Variants in KATNAL1 observed in about 807,000 individuals in gnomAD.
KATNAL1 encodes the protein katanin catalytic subunit A1 like 1.
KATNAL1 carries 32 observed loss-of-function variants against 55.2 expected under a neutral mutation model. The observed-to-expected ratio is 0.58, with a 90% CI of 0.44 to 0.78. KATNAL1 has a LOEUF of 0.78. Ranked by LOEUF, KATNAL1 falls within the 30% of genes least tolerant of loss-of-function variation. The pLI is 0.00. For missense variants in KATNAL1, 466 were observed against 600.9 expected (o/e 0.78, Z 2.35); for synonymous variants, 193 against 193.6 (o/e 1.00, Z 0.02).
chr13:30,283,224 G>A (rs1380520096), intron 2 of KATNAL1, among the ~76,000 whole-genome samples: 6 of 116,756 alleles, frequency 5.1e-5, no homozygotes, highest in Admixed American at 2.5e-4. Flanking sequence ...CCGAGATTGC[G>A]CCACTGCACT....
chr13:30,222,272 T>C (rs1281015550), intron 9 of KATNAL1, among the ~76,000 whole-genome samples: 1 of 152,048 alleles, frequency 6.6e-6, no homozygotes, highest in Non-Finnish European at 1.5e-5. Flanking sequence ...GCAAATGGCC[T>C]TCAGATTTCA....
At chr13:30,269,953 C>G (rs1357491064) in intron 3 of KATNAL1, among the ~76,000 whole-genome samples, 2 of 150,068 alleles carry the variant, frequency 1.3e-5, no homozygotes, top group Admixed American at 6.6e-5. Flanking sequence ...AGGGGCACCT[C>G]TGCCCGGCCA....
In KATNAL1 at chr13:30,207,265, T is replaced by C. The variant is rs1873237345; in HGVS notation, c.*1275A>G. 1 of 152,248 alleles carries C rather than the reference T, an allele frequency of 6.6e-6. No individual in the cohort carries two copies. Among genetic ancestry groups the C allele is most frequent in the African/African-American group, 2.4e-5 (1 of 41,472 alleles). The allele number at this position is 152,248 out of a possible 1,614,324, so 9.4% of individuals were successfully genotyped here. The stretch of plus-strand genomic sequence containing the variant: ...TTACTTGTGATTGGATATATGCCAT[T>C]TATTTTTCTGGCTTCTTTCTAATGT... On this transcript the variant is annotated 3_prime_UTR_variant, in exon 11 of 11. Transcript: ENST00000380615.
chr13:30,239,121 T>C (rs904189811), intron 6 of KATNAL1, among the ~76,000 whole-genome samples: 1 of 152,120 alleles, frequency 6.6e-6, no homozygotes, highest in Non-Finnish European at 1.5e-5. Context: ...TTAAAATACA[T>C]TTATCAGGCC....
intron 1 of KATNAL1, among the ~76,000 whole-genome samples, chr13:30,289,030 C>T (rs1881970874): frequency 6.6e-6 from 1 of 152,216 alleles, no homozygotes. Context: ...CAAATTTTTA[C>T]TACCATCAGT....
At chr13:30,277,185 T>G (rs1325996074) in intron 3 of KATNAL1, among the ~76,000 whole-genome samples, 1 of 152,232 alleles carries the variant, frequency 6.6e-6, no homozygotes, top group Non-Finnish European at 1.5e-5. Context: ...ATAAAATGAC[T>G]TGTTTTATGA....
chr13:30,214,128 T>C (rs1026107539), intron 9 of KATNAL1, among the ~76,000 whole-genome samples: 15 of 151,880 alleles, frequency 9.9e-5, no homozygotes, highest in Non-Finnish European at 1.0e-4. Context: ...TATACACCAA[T>C]AACAGACAAA....
At chr13:30,255,968 A>T (rs1277014560) in intron 3 of KATNAL1, among the ~76,000 whole-genome samples, 2 of 152,228 alleles carry the variant, frequency 1.3e-5, no homozygotes, top group Non-Finnish European at 2.9e-5. Context: ...ACTGTCCTAA[A>T]CCAAGAATAA....
chr13:30,208,477 A>G lies in KATNAL1; in HGVS notation c.*63T>C. On this transcript the variant is annotated 3_prime_UTR_variant, in exon 11 of 11. Transcript: ENST00000380615. ...AAAATTCCAAACTTGTTTTTTAAAAATTGCAGGAATTTCTTCGTATTTTAT... is the reference window on the plus strand; with the variant it reads ...AAAATTCCAAACTTGTTTTTTAAAAGTTGCAGGAATTTCTTCGTATTTTAT... The G allele has an allele frequency of 7.3e-7, 1 of 1,378,582 alleles. No individual in the cohort carries two copies. Among genetic ancestry groups the G allele is most frequent in the Non-Finnish European group, 9.7e-7 (1 of 1,036,104 alleles). The allele number at this position is 1,378,582 out of a possible 1,614,324, so 85.4% of individuals were successfully genotyped here.
chr13:30,227,723 G>T (rs1875649582), intron 8 of KATNAL1, among the ~76,000 whole-genome samples, 177 bp from the exon 9 acceptor site: 1 of 151,666 alleles, frequency 6.6e-6, no homozygotes, highest in Non-Finnish European at 1.5e-5. Flanking sequence ...CAAAGAAGTA[G>T]AAGAATTCAC....
chr13:30,247,683 G>A (rs546921000), intron 4 of KATNAL1, among the ~76,000 whole-genome samples: 110 of 152,238 alleles, frequency 7.2e-4, no homozygotes, highest in African/African-American at 2.6e-3. Flanking sequence ...AGAAGATGAG[G>A]TCAAAGAAGA....
At position 30,205,249 on chromosome 13, in the gene KATNAL1, A is replaced by G. The variant is rs1220194209; in HGVS notation, c.*3291T>C. 1 of 152,232 alleles carries G rather than the reference A, an allele frequency of 6.6e-6. No individual in the cohort carries two copies. The highest frequency in any genetic ancestry group is 2.4e-5 in the African/African-American group (1 of 41,468). The allele number at this position is 152,232 out of a possible 1,614,324, so 9.4% of individuals were successfully genotyped here. On this transcript the variant is annotated 3_prime_UTR_variant, in exon 11 of 11. Coordinates refer to ENST00000380615, the MANE Select transcript of KATNAL1 (RefSeq NM_032116.5). Reference sequence around the variant, plus strand: ...TGATCTAAACTCTTGTTTCAGTAGTAGAAGCCAGAAGCTATACAGAGTCGT... The same window carrying G: ...TGATCTAAACTCTTGTTTCAGTAGTGGAAGCCAGAAGCTATACAGAGTCGT...
chr13:30,215,476 G>A lies in KATNAL1; in HGVS notation c.1148-5034C>T, dbSNP rs1205364889. ...TGCTGCTATAAAGACACATGCACAC[G>A]TATGTTTATTGTGGCATTATTCACA... On this transcript the variant is annotated intron_variant, in intron 9 of 10. Transcript: ENST00000380615. Among the ~76,000 whole-genome samples the A allele has an allele frequency of 5.3e-5, 8 of 152,234 alleles. No homozygotes were observed. The South Asian group carries it at 1.2e-3, about 24-fold the overall frequency.
intron 7 of KATNAL1, among the ~76,000 whole-genome samples, 186 bp from the exon 8 acceptor site, chr13:30,230,780 G>A (rs1051726249): frequency 6.6e-6 from 1 of 152,064 alleles, no homozygotes. Context: ...TAAAAATAAA[G>A]GTTATATGGC....
intron 4 of KATNAL1, among the ~76,000 whole-genome samples, chr13:30,250,293 G>C (rs1878176105): frequency 6.6e-6 from 1 of 152,152 alleles, no homozygotes. Context: ...TTGTTACACT[G>C]TAAATAGCAT....
intron 9 of KATNAL1, among the ~76,000 whole-genome samples, chr13:30,224,822 G>A (rs751093791): frequency 3.3e-5 from 5 of 152,080 alleles, no homozygotes; most frequent in Non-Finnish European, 5.9e-5. Context: ...GCCAATAAAA[G>A]GAAAATAAGG....
Position 30,283,635 on chromosome 13 carries a change from ATAG to A in KATNAL1, c.140_142del (p.Ala47_Ile48delinsVal), listed in dbSNP as rs1271966042. 2 of 1,613,696 alleles carry A rather than the reference ATAG, an allele frequency of 1.2e-6. No individual in the cohort carries two copies. Among genetic ancestry groups the A allele is most frequent in the African/African-American group, 2.7e-5 (2 of 74,916 alleles). ...TCTTACCTGTTGCCATTTGCCTTTGATAGCTGGATCTCTGACTGACTGGCAATG... is the reference window on the plus strand; with the variant it reads ...TCTTACCTGTTGCCATTTGCCTTTGACTGGATCTCTGACTGACTGGCAATG... On this transcript the variant is annotated inframe_deletion, in exon 2 of 11. Coordinates refer to ENST00000380615, the MANE Select transcript of KATNAL1 (RefSeq NM_032116.5).
At chr13:30,216,310 TGCTGGGAGGGAACAC>T (rs1874223315) in intron 9 of KATNAL1, among the ~76,000 whole-genome samples, 1 of 152,134 alleles carries the variant, frequency 6.6e-6, no homozygotes, top group Admixed American at 6.5e-5. Flanking sequence ...GAAGGAACCA[TGCTGGGAGGGAACAC>T]GCTGGGAGCT....
Position 30,283,721 on chromosome 13 carries a change from A to C in KATNAL1, c.57T>G (p.Leu19=). ...ATACCATTGATGAGTCGTAATTTCC[A>C]AGAAGGGCATATTCTCTTCCTTTCT... is the stretch of plus-strand genomic sequence containing the variant. ...NAKKGREYAL[L]GNYDSSMVYY... The change falls in exon 2 of 11, where the codon CTT becomes CTG. Residue 19 remains leucine (L), a synonymous_variant. Transcript: ENST00000380615. 1.2e-6 allele frequency: 2 copies of C among 1,613,876 alleles called. No homozygotes were observed. Among genetic ancestry groups the C allele is most frequent in the Non-Finnish European group, 1.7e-6 (2 of 1,179,870 alleles).
Sources: gnomAD v4.1 joint callset for allele counts (sites outside exome capture counted in the v4.1 genomes callset) on GRCh38, gnomAD v4.1.1 for gene constraint, MANE v1.5 for transcripts, NCBI Gene and HGNC (gene_info 2026-07-23, HGNC 2026-07-21) for gene names.